ASPRV1: variants seen among roughly 807,000 people sequenced by gnomAD.
ASPRV1 encodes the protein retroviral-like aspartic protease 1.
Under a neutral mutation model 11.0 loss-of-function variants are expected in ASPRV1, and 7 were observed. That is an observed-to-expected ratio of 0.64 (90% CI 0.36 to 1.20). The LOEUF is 1.20. ASPRV1 is among the 50% of genes most tolerant of loss of function. The pLI, the probability that ASPRV1 is intolerant of heterozygous loss-of-function variation, is 0.02. For missense variants in ASPRV1, 299 were observed against 320.0 expected, an observed-to-expected ratio of 0.93 and a Z score of 0.50; for synonymous variants, 136 against 138.4, an observed-to-expected ratio of 0.98 and a Z score of 0.12.
chr2:69,977,780 T>G, the ASPRV1 span, among the ~76,000 whole-genome samples: 1 of 152,066 alleles, frequency 6.6e-6, no homozygotes. Flanking sequence ...AATGGGAAAG[T>G]TGGGTGGAAT....
At chr2:70,010,542 A>G in the ASPRV1 span, among the ~76,000 whole-genome samples, 3 of 152,166 alleles carry the variant, frequency 2.0e-5, no homozygotes, top group Non-Finnish European at 4.4e-5. Flanking sequence ...CGAGGCCACA[A>G]AGGTTGTGTT....
chr2:70,028,558 T>C, the ASPRV1 span: 23 of 152,160 alleles, frequency 1.5e-4, no homozygotes, highest in Non-Finnish European at 3.4e-4. Flanking sequence ...GTGCTGTGGT[T>C]TGAATGCATC....
the ASPRV1 span, among the ~76,000 whole-genome samples, chr2:70,052,176 G>A: frequency 6.6e-6 from 1 of 151,986 alleles, no homozygotes; most frequent in Non-Finnish European, 1.5e-5. Context: ...AATATAGAAG[G>A]GAAGAGAGAT....
the ASPRV1 span, among the ~76,000 whole-genome samples, chr2:70,007,558 G>A: frequency 6.6e-6 from 1 of 150,720 alleles, no homozygotes; most frequent in Non-Finnish European, 1.5e-5. Context: ...TAAGTAGAGC[G>A]TATTTAATAA....
the ASPRV1 span, among the ~76,000 whole-genome samples, chr2:70,029,194 AG>A: frequency 6.6e-6 from 1 of 152,130 alleles, no homozygotes; most frequent in Non-Finnish European, 1.5e-5. Flanking sequence ...GGGAAGTGGC[AG>A]GTAATTACAT....
At chr2:69,985,684 C>T in the ASPRV1 span, among the ~76,000 whole-genome samples, 1 of 152,218 alleles carries the variant, frequency 6.6e-6, no homozygotes, top group Non-Finnish European at 1.5e-5. Context: ...ATATGGGGCA[C>T]TGACTTCCTG....
the ASPRV1 span, among the ~76,000 whole-genome samples, chr2:70,007,170 A>G: frequency 1.3e-5 from 2 of 152,236 alleles, no homozygotes; most frequent in Non-Finnish European, 2.9e-5. Flanking sequence ...AATACATGTG[A>G]CATATCCATT....
At chr2:70,053,198 A>G in the ASPRV1 span, among the ~76,000 whole-genome samples, 1 of 152,166 alleles carries the variant, frequency 6.6e-6, no homozygotes, top group Non-Finnish European at 1.5e-5. Flanking sequence ...GTTTGATTCA[A>G]ACATTTTCAG....
chr2:70,023,323 T>A, the ASPRV1 span, among the ~76,000 whole-genome samples: 1 of 152,114 alleles, frequency 6.6e-6, no homozygotes, highest in Non-Finnish European at 1.5e-5. Flanking sequence ...TTTTTATTAG[T>A]CATGATTTGC....
chr2:69,935,272 C>G, the ASPRV1 span: 1 of 1,017,932 alleles, frequency 9.8e-7, no homozygotes. Flanking sequence ...ACTTCACACT[C>G]TTTGAGAACT....
the ASPRV1 span, among the ~76,000 whole-genome samples, chr2:70,018,658 G>A: frequency 3.9e-5 from 6 of 152,230 alleles, no homozygotes; most frequent in East Asian, 1.2e-3. Context: ...AAGGTCCCAA[G>A]AACACACACT....
At chr2:70,033,172 T>C in the ASPRV1 span, among the ~76,000 whole-genome samples, 1 of 152,070 alleles carries the variant, frequency 6.6e-6, no homozygotes, top group Non-Finnish European at 1.5e-5. Flanking sequence ...GCTGGACTTC[T>C]TATCTCACTC....
In ASPRV1 at chr2:69,960,536, G is replaced by T; in HGVS notation, c.*121C>A. 1 of 1,085,232 alleles carries T rather than the reference G, an allele frequency of 9.2e-7. No individual in the cohort carries two copies. Among genetic ancestry groups the T allele is most frequent in the Non-Finnish European group, 1.3e-6 (1 of 763,184 alleles). The allele number at this position is 1,085,232 out of a possible 1,614,324, so 67.2% of individuals were successfully genotyped here. On this transcript the variant is annotated 3_prime_UTR_variant, in exon 1 of 1. Transcript: ENST00000320256. ...CCTGCAGAGGGAGGCAAAGGGGAGA[G>T]AAGAGCAAGAGTTGATAAGCAGACT...
chr2:70,050,674 G>A, the ASPRV1 span: 4 of 152,212 alleles, frequency 2.6e-5, no homozygotes, highest in African/African-American at 9.6e-5. Flanking sequence ...TGTAGGCAAG[G>A]TGCAGTGCTT....
chr2:70,050,399 A>C, the ASPRV1 span: 1 of 152,240 alleles, frequency 6.6e-6, no homozygotes, highest in Non-Finnish European at 1.5e-5. Flanking sequence ...ATTTAAACAC[A>C]CACAGTACTC....
the ASPRV1 span, among the ~76,000 whole-genome samples, chr2:69,943,399 C>G: frequency 1.3e-5 from 2 of 152,140 alleles, no homozygotes; most frequent in African/African-American, 4.8e-5. Flanking sequence ...TGCATTCGAG[C>G]TGGGCCCTGG....
the ASPRV1 span, among the ~76,000 whole-genome samples, chr2:70,041,781 C>T: frequency 1.3e-5 from 2 of 152,080 alleles, no homozygotes; most frequent in Admixed American, 6.5e-5. Context: ...CGACCATGGC[C>T]GTGATGGCAC....
chr2:69,945,472 TTGCCTC>T, the ASPRV1 span, among the ~76,000 whole-genome samples: 1 of 152,186 alleles, frequency 6.6e-6, no homozygotes, highest in Non-Finnish European at 1.5e-5. Flanking sequence ...TCTGGAGTCA[TTGCCTC>T]TGCGAGTGTC....
the ASPRV1 span, among the ~76,000 whole-genome samples, chr2:70,036,211 G>C: frequency 6.6e-6 from 1 of 151,940 alleles, no homozygotes; most frequent in Non-Finnish European, 1.5e-5. Flanking sequence ...CTTGAATATG[G>C]TGGGTGGGCT....
Sources: allele counts gnomAD v4.1 joint callset (sites outside exome capture counted in the v4.1 genomes callset), GRCh38; gene constraint gnomAD v4.1.1; transcripts MANE v1.5; gene names NCBI Gene and HGNC (gene_info 2026-07-23, HGNC 2026-07-21).